Variants in MTMR3 observed in about 807,000 individuals in gnomAD.
MTMR3 encodes the protein phosphatidylinositol-3,5-bisphosphate 3-phosphatase MTMR3.
In MTMR3, 32 loss-of-function variants were observed where a neutral mutation model predicts 132.4. The observed-to-expected ratio is 0.24, with a 90% CI of 0.18 to 0.32. The LOEUF is 0.32. Ranked by LOEUF, MTMR3 falls within the 10% of genes least tolerant of loss-of-function variation. The pLI, the probability that MTMR3 is intolerant of heterozygous loss-of-function variation, is 1.00. For missense variants in MTMR3, 1,216 were observed against 1,489.6 expected, an observed-to-expected ratio of 0.82 and a Z score of 3.02; for synonymous variants, 556 against 550.3, an observed-to-expected ratio of 1.01 and a Z score of -0.14.
chr22:29,984,685 A>G, intron 5 of MTMR3: 1 of 152,364 alleles, frequency 6.6e-6, no homozygotes, highest in South Asian at 2.1e-4. Flanking sequence ...ATGAGTTGCT[A>G]CAAGACATTG....
At chr22:30,003,726 T>C (rs2067220971) in intron 9 of MTMR3, 1 of 152,234 alleles carries the variant, frequency 6.6e-6, no homozygotes, top group South Asian at 2.1e-4. Context: ...TGAGCTTCTG[T>C]ACCAGCATTT....
At chr22:29,891,287 A>G (rs191800143) in intron 1 of MTMR3, among the ~76,000 whole-genome samples, 195 of 150,206 alleles carry the variant, frequency 1.3e-3, no homozygotes, top group African/African-American at 4.6e-3. Context: ...TGTCTTGGTT[A>G]CTCCTGGAGG....
chr22:29,921,516 G>T (rs1029887722), intron 1 of MTMR3, among the ~76,000 whole-genome samples: 5 of 136,504 alleles, frequency 3.7e-5, no homozygotes, highest in Admixed American at 3.1e-4. Context: ...ATGGATGATT[G>T]ATTTATTTTC....
At chr22:29,973,678 C>G (rs1274549596) in intron 3 of MTMR3, among the ~76,000 whole-genome samples, 1 of 152,166 alleles carries the variant, frequency 6.6e-6, no homozygotes, top group African/African-American at 2.4e-5. Flanking sequence ...TGGCTCACTG[C>G]AACCTCCGCC....
chr22:30,016,737 G>T (rs757763791), intron 15 of MTMR3, 39 bp downstream of exon 15: 56 of 1,574,656 alleles, frequency 3.6e-5, no homozygotes, highest in Non-Finnish European at 4.7e-5. Flanking sequence ...GTCAGCAGAA[G>T]GAATTTGGGG....
intron 15 of MTMR3, 91 bp from the exon 16 acceptor site, chr22:30,017,836 C>G: frequency 6.5e-7 from 1 of 1,539,342 alleles, no homozygotes; most frequent in Non-Finnish European, 8.9e-7. Flanking sequence ...GTTGGGTATT[C>G]CAGCTGGGTG....
At chr22:29,998,656 A>G in intron 7 of MTMR3, 105 bp from the exon 8 acceptor site, 1 of 556,874 alleles carries the variant, frequency 1.8e-6, no homozygotes, top group South Asian at 3.0e-5. Flanking sequence ...AAATATATAT[A>G]TATTTACATA....
At chr22:29,937,310 TTACCATA>T (rs2145803013) in intron 1 of MTMR3, among the ~76,000 whole-genome samples, 1 of 152,324 alleles carries the variant, frequency 6.6e-6, no homozygotes, top group Admixed American at 6.5e-5. Flanking sequence ...ACTTCTTTCT[TTACCATA>T]TACTGTCTAC....
At chr22:29,938,221 T>C (rs907500910) in intron 1 of MTMR3, among the ~76,000 whole-genome samples, 4 of 152,258 alleles carry the variant, frequency 2.6e-5, no homozygotes, top group African/African-American at 9.6e-5. Context: ...CGTAACTGTT[T>C]TCCTGGAATC....
intron 1 of MTMR3, among the ~76,000 whole-genome samples, chr22:29,953,569 C>G (rs1716811671): frequency 6.6e-6 from 1 of 152,126 alleles, no homozygotes; most frequent in Non-Finnish European, 1.5e-5. Context: ...GTCCCCCTCT[C>G]CAGTGAAAGC....
chr22:29,949,135 ACACACACACCCCCCCCCCCCC>A (rs2066015019), intron 1 of MTMR3, among the ~76,000 whole-genome samples: 2 of 31,226 alleles, frequency 6.4e-5, no homozygotes, highest in Non-Finnish European at 1.1e-4. Context: ...ACACACACAC[ACACACACACCCCCCCCCCCCC>A]CCCCGAGGCC....
intron 9 of MTMR3, chr22:30,004,276 T>G (rs2145930503): frequency 6.6e-6 from 1 of 152,268 alleles, no homozygotes; most frequent in Middle Eastern, 3.4e-3. Context: ...AATGATCAGC[T>G]CAGCTGGAAT....
rs1263964057 is a variant in MTMR3, at chr22:29,923,103, G to A, written c.-137-33933G>A. On this transcript the variant is annotated intron_variant, in intron 1 of 19. Transcript: ENST00000401950. Reference sequence around the variant, plus strand: ...ATTGCCCAGGCTGGGGTGCAGTGGCGCCATCTCGGCTCACTGCAAGCTCCG... The same window carrying A: ...ATTGCCCAGGCTGGGGTGCAGTGGCACCATCTCGGCTCACTGCAAGCTCCG... 2.7e-5 allele frequency among the ~76,000 whole-genome samples: 4 copies of A among 150,100 alleles called. No homozygotes were observed. In the East Asian group the frequency reaches 5.9e-4, roughly 22 times the overall value.
intron 1 of MTMR3, among the ~76,000 whole-genome samples, chr22:29,955,983 C>T (rs1602559922): frequency 1.3e-5 from 2 of 152,036 alleles, no homozygotes; most frequent in South Asian, 4.1e-4. Flanking sequence ...AACTCTTGAC[C>T]TCAGGTGATC....
intron 2 of MTMR3, among the ~76,000 whole-genome samples, chr22:29,966,769 GTGTC>G (rs1314515126): frequency 4.3e-5 from 6 of 138,750 alleles, no homozygotes; most frequent in Non-Finnish European, 7.9e-5. Context: ...GTGTGTGTGT[GTGTC>G]TGTCTCTGTG....
chr22:29,946,410 A>G (rs989631058), intron 1 of MTMR3, among the ~76,000 whole-genome samples: 6 of 152,046 alleles, frequency 3.9e-5, no homozygotes, highest in African/African-American at 1.4e-4. Context: ...TTATTTGGGG[A>G]GCTCTCTGCT....
At chr22:29,897,695 C>G (rs186050390) in intron 1 of MTMR3, among the ~76,000 whole-genome samples, 93 of 152,192 alleles carry the variant, frequency 6.1e-4, no homozygotes, top group African/African-American at 2.1e-3. Flanking sequence ...AGTGATCTGC[C>G]CATCTTGGCC....
At chr22:29,894,062 C>T (rs2064847500) in intron 1 of MTMR3, among the ~76,000 whole-genome samples, 1 of 152,158 alleles carries the variant, frequency 6.6e-6, no homozygotes, top group South Asian at 2.1e-4. Context: ...CCAGGCTGGT[C>T]TTGAACTCCT....
In MTMR3 at chr22:29,970,935, C is replaced by CTTTTTTTTT. The variant is rs34749290; in HGVS notation, c.-84-39_-84-31dup. 2.3e-5 allele frequency: 10 copies of CTTTTTTTTT among 444,104 alleles called. No homozygotes were observed. In the East Asian group the frequency reaches 2.3e-4, roughly 10 times the overall value. 27.5% of individuals were successfully genotyped at this position (444,104 alleles called of 1,614,324 possible). On this transcript the variant is annotated intron_variant, in intron 2 of 19. Coordinates refer to ENST00000401950, the MANE Select transcript of MTMR3 (RefSeq NM_021090.4). ...TATTGCCAATTTTGCCTCCCCTCCT[C>CTTTTTTTTT]TTTTTTTTTTCTTCTTCCCCCTCTT...
Sources: allele counts gnomAD v4.1 joint callset (sites outside exome capture counted in the v4.1 genomes callset), GRCh38; gene constraint gnomAD v4.1.1; transcripts MANE v1.5; gene names NCBI Gene and HGNC (gene_info 2026-07-23, HGNC 2026-07-21).